The following EPHB2 variants were observed in gnomAD, a reference collection of about 807,000 sequenced individuals.
EPHB2 encodes the protein ephrin type-B receptor 2.
EPHB2 carries 18 observed loss-of-function variants against 96.4 expected under a neutral mutation model. The observed-to-expected ratio is 0.19, with a 90% CI of 0.13 to 0.28. The LOEUF (loss-of-function observed/expected upper bound fraction) is 0.28. Among genes scored for constraint, EPHB2 ranks in the 10% least tolerant of loss-of-function variants. EPHB2 has a pLI of 1.00. For missense variants in EPHB2, 989 were observed against 1,355.4 expected (o/e 0.73, Z 4.25); for synonymous variants, 506 against 534.1 (o/e 0.95, Z 0.72).
intron 3 of EPHB2, among the ~76,000 whole-genome samples, chr1:22,830,775 T>G (rs1163924250): frequency 1.3e-5 from 2 of 152,128 alleles, no homozygotes; most frequent in Non-Finnish European, 2.9e-5. Context: ...CAGGCTGATC[T>G]CGAACTCCTG....
chr1:22,818,980 C>G (rs866555579), intron 3 of EPHB2, among the ~76,000 whole-genome samples: 57 of 151,768 alleles, frequency 3.8e-4, no homozygotes, highest in African/African-American at 1.3e-3. Context: ...CAACCCCAAC[C>G]TAGGCTCCCC....
At chr1:22,909,197 G>T (rs951319075) in intron 13 of EPHB2, 26 bp downstream of exon 13, 3 of 1,613,974 alleles carry the variant, frequency 1.9e-6, no homozygotes, top group African/African-American at 2.7e-5. Flanking sequence ...GATAGGCAAG[G>T]CCTCTCTGGC....
intron 1 of EPHB2, among the ~76,000 whole-genome samples, chr1:22,756,585 C>CG (rs1644154886): frequency 6.6e-6 from 1 of 151,740 alleles, no homozygotes; most frequent in African/African-American, 2.4e-5. Flanking sequence ...GGGGAAGTGG[C>CG]GGGGGCAGCG....
At chr1:22,762,942 T>G (rs1476612733) in intron 1 of EPHB2, among the ~76,000 whole-genome samples, 2 of 152,098 alleles carry the variant, frequency 1.3e-5, no homozygotes, top group Admixed American at 1.3e-4. Flanking sequence ...GGTCCAGCTC[T>G]CTACAGCAGC....
At chr1:22,751,874 G>A (rs1644068958) in intron 1 of EPHB2, among the ~76,000 whole-genome samples, 1 of 152,202 alleles carries the variant, frequency 6.6e-6, no homozygotes, top group African/African-American at 2.4e-5. Flanking sequence ...GGGAAGCGGA[G>A]AATGAATTAG....
In EPHB2 at chr1:22,711,621, G is replaced by A. The variant is rs968448887; in HGVS notation, c.61+578G>A. On this transcript the variant is annotated intron_variant, in intron 1 of 15. Transcript: ENST00000374630. Reference sequence around the variant, plus strand: ...GCGTCGGTGCCTGCCCATCGCCCGCGGCGTACAATGGGGTCCCCTCCCCGA... The same window carrying A: ...GCGTCGGTGCCTGCCCATCGCCCGCAGCGTACAATGGGGTCCCCTCCCCGA... 4.6e-5 allele frequency among the ~76,000 whole-genome samples: 7 copies of A among 152,054 alleles called. 1 individual carries two copies. The South Asian group carries it at 1.2e-3, about 27-fold the overall frequency.
In EPHB2 at chr1:22,912,611, G is replaced by T; in HGVS notation, c.2852+12G>T. The T allele has an allele frequency of 6.2e-7, 1 of 1,613,124 alleles. No homozygotes were observed. The highest frequency in any genetic ancestry group is 8.5e-7 in the Non-Finnish European group (1 of 1,179,978). ...CAGATGATGATGGAGTAAGTGCCCAGCCACTTCTGCTTGTCACCTTAGCAC... is the reference window on the plus strand; with the variant it reads ...CAGATGATGATGGAGTAAGTGCCCATCCACTTCTGCTTGTCACCTTAGCAC... On this transcript the variant is annotated intron_variant, in intron 15 of 15. Transcript: ENST00000374630.
intron 3 of EPHB2, among the ~76,000 whole-genome samples, chr1:22,853,387 G>T (rs1470768043): frequency 6.6e-6 from 1 of 152,208 alleles, no homozygotes; most frequent in East Asian, 1.9e-4. Flanking sequence ...ACTGGGGCTG[G>T]TGCCAGACCT....
chr1:22,772,324 G>A (rs1348046161), intron 1 of EPHB2, among the ~76,000 whole-genome samples: 1 of 152,130 alleles, frequency 6.6e-6, no homozygotes, highest in Non-Finnish European at 1.5e-5. Flanking sequence ...CCTCCGCCTA[G>A]GCCTGAGAAA....
intron 1 of EPHB2, among the ~76,000 whole-genome samples, chr1:22,744,450 A>C (rs1049074266): frequency 1.3e-5 from 2 of 148,546 alleles, no homozygotes; most frequent in African/African-American, 2.5e-5. Context: ...TATGTTATAT[A>C]TTTTGTATGT....
chr1:22,746,582 T>C (rs1309211088), intron 1 of EPHB2, among the ~76,000 whole-genome samples: 2 of 152,132 alleles, frequency 1.3e-5, no homozygotes, highest in Non-Finnish European at 2.9e-5. Context: ...GGAGATGAGA[T>C]GGTGAAATTA....
chr1:22,715,130 T>A (rs1170466947), intron 1 of EPHB2, among the ~76,000 whole-genome samples: 3 of 152,186 alleles, frequency 2.0e-5, no homozygotes, highest in Admixed American at 6.5e-5. Flanking sequence ...ATGAATTGAA[T>A]GTTGAGTGAA....
rs369642059 is a variant in EPHB2 at position 22,906,885 on chromosome 1, C to T, written c.2064C>T (p.Val688=). ...CCAACGTCATCCACCTGGAGGGTGTCGTGACCAAGAGCACACCTGTGATGA... is the reference window on the plus strand; with the variant it reads ...CCAACGTCATCCACCTGGAGGGTGTTGTGACCAAGAGCACACCTGTGATGA... ...DHPNVIHLEG[V]VTKSTPVMII... Residue 688 remains valine (V), a synonymous_variant, in exon 11 of 16, where the codon GTC becomes GTT. Transcript: ENST00000374630. This position sits in a 1 kb window ranked among gnomAD's most constrained non-coding sequence, Gnocchi z 4.8. The T allele has an allele frequency of 1.4e-5, 23 of 1,614,072 alleles. No homozygotes were observed. The African/African-American group carries it at 1.9e-4, about 13-fold the overall frequency.
intron 1 of EPHB2, among the ~76,000 whole-genome samples, chr1:22,713,590 T>A (rs1643216236): frequency 1.3e-5 from 2 of 152,124 alleles, no homozygotes; most frequent in African/African-American, 2.4e-5. Context: ...GGGGCGGTGC[T>A]GCCTGTGCAC....
At chr1:22,741,174 C>T (rs982748225) in intron 1 of EPHB2, among the ~76,000 whole-genome samples, 2 of 152,054 alleles carry the variant, frequency 1.3e-5, no homozygotes, top group Non-Finnish European at 2.9e-5. Flanking sequence ...AATCTCTCCC[C>T]CCGACCCCTA....
Position 22,873,693 on chromosome 1 carries a change from C to T in EPHB2, c.1303+8481C>T, listed in dbSNP as rs187937257. ...GGAGCCATCAGAGATCCACACTCCT[C>T]AGCACACAGCTTCATGTCCTCATGG... On this transcript the variant is annotated intron_variant, in intron 5 of 15. Transcript: ENST00000374630. Among the ~76,000 whole-genome samples the T allele has an allele frequency of 7.7e-4, 117 of 152,352 alleles. No individual in the cohort carries two copies. In the Middle Eastern group the frequency reaches 0.01, roughly 13 times the overall value.
At position 22,784,752 on chromosome 1, in the gene EPHB2, G is replaced by A. The variant is rs1644583671; in HGVS notation, c.487G>A (p.Val163Met). ...CCGCGTCATGAAAATCAACACCGAG[G>A]TGCGGAGCTTCGGACCTGTGTCCCG... ...GGRVMKINTEVRSFGPVSRSG... is the reference protein window; with the variant it reads ...GGRVMKINTEMRSFGPVSRSG... The change falls in exon 3 of 16, where the codon GTG becomes ATG. Residue 163 changes from valine (V) to methionine (M), a missense_variant. Transcript: ENST00000374630. This position sits in a 1 kb window ranked among gnomAD's most constrained non-coding sequence, Gnocchi z 5.1. 1.9e-6 allele frequency: 3 copies of A among 1,611,986 alleles called. No homozygotes were observed. The highest frequency in any genetic ancestry group is 2.5e-6 in the Non-Finnish European group (3 of 1,178,326).
chr1:22,760,667 C>T (rs985707591), intron 1 of EPHB2, among the ~76,000 whole-genome samples: 2 of 152,112 alleles, frequency 1.3e-5, no homozygotes, highest in Non-Finnish European at 2.9e-5. Flanking sequence ...GAGATGAGAC[C>T]GCAGAGGCTG....
At chr1:22,862,494 G>T (rs935941649) in intron 3 of EPHB2, among the ~76,000 whole-genome samples, 1 of 152,114 alleles carries the variant, frequency 6.6e-6, no homozygotes. Context: ...GCTTGTCTGG[G>T]GCTGCACAGC....
Sources: gnomAD v4.1 joint callset for allele counts (sites outside exome capture counted in the v4.1 genomes callset) on GRCh38, gnomAD v4.1.1 for gene constraint, Gnocchi (gnomAD v3.1) non-coding constraint, MANE v1.5 for transcripts, NCBI Gene and HGNC (gene_info 2026-07-23, HGNC 2026-07-21) for gene names.